Variants in WIPF2 observed in about 807,000 individuals in gnomAD.
The protein encoded by WIPF2 is WAS/WASL-interacting protein family member 2.
In WIPF2, 23 loss-of-function variants were observed where a neutral mutation model predicts 38.8. The observed-to-expected ratio is 0.59, with a 90% CI of 0.43 to 0.84. The LOEUF (loss-of-function observed/expected upper bound fraction) is 0.84, where lower values mean the gene tolerates loss of function less well. Among genes scored for constraint, WIPF2 ranks in the 40% least tolerant of loss-of-function variants. The pLI, the probability that WIPF2 is intolerant of heterozygous loss-of-function variation, is 0.00. For synonymous variants in WIPF2, 210 were observed against 223.2 expected (o/e 0.94, Z 0.53); for missense variants, 574 against 580.5 (o/e 0.99, Z 0.11).
At chr17:40,239,044 T>A (rs982014480) in intron 1 of WIPF2, among the ~76,000 whole-genome samples, 6 of 143,894 alleles carry the variant, frequency 4.2e-5, no homozygotes, top group Admixed American at 7.3e-5. Flanking sequence ...CTGTTTATTT[T>A]ATTTTATTTA....
At chr17:40,276,995 A>G (rs2032423611) in intron 6 of WIPF2, 88 bp from the exon 7 acceptor site, 2 of 1,145,924 alleles carry the variant, frequency 1.7e-6, no homozygotes, top group African/African-American at 1.5e-5. Flanking sequence ...TGCCTGAGAG[A>G]TTAGTAAGTG....
In WIPF2 at chr17:40,279,581, A is replaced by G. The variant is rs1474195045; in HGVS notation, c.*1356A>G. 6.6e-6 allele frequency: 1 copy of G among 152,628 alleles called. No individual in the cohort carries two copies. The highest frequency in any genetic ancestry group is 1.5e-5 in the Non-Finnish European group (1 of 68,054). 9.5% of individuals were successfully genotyped at this position (152,628 alleles called of 1,614,324 possible). ...GTCTTCCGGGTCCTAAAGAGCACAG[A>G]GAAAATGGAGGTCCCCAGTCTAGGT... is the stretch of plus-strand genomic sequence containing the variant. On this transcript the variant is annotated 3_prime_UTR_variant, in exon 8 of 8. Transcript: ENST00000323571.
chr17:40,243,605 C>G (rs1397471918), intron 1 of WIPF2, among the ~76,000 whole-genome samples: 2 of 151,908 alleles, frequency 1.3e-5, no homozygotes, highest in African/African-American at 4.8e-5. Flanking sequence ...CCTCTGCCTA[C>G]CGGGTTCAAG....
At chr17:40,258,847 C>G (rs2031809805) in intron 2 of WIPF2, among the ~76,000 whole-genome samples, 1 of 151,164 alleles carries the variant, frequency 6.6e-6, no homozygotes, top group African/African-American at 2.4e-5. Flanking sequence ...TGGTTGTGAT[C>G]ATAACTCACT....
Position 40,219,509 on chromosome 17 carries a change from G to T in WIPF2, c.-70+17G>T. On this transcript the variant is annotated intron_variant, in intron 1 of 7. Coordinates refer to ENST00000323571, the MANE Select transcript of WIPF2 (RefSeq NM_133264.5). Reference sequence around the variant, plus strand: ...TGCGGCCAGGTCGGAAAGAGGCCGGGGCGGCTGGGTCAGTCGCTGAAATGA... The same window carrying T: ...TGCGGCCAGGTCGGAAAGAGGCCGGTGCGGCTGGGTCAGTCGCTGAAATGA... The T allele has an allele frequency of 5.3e-6, 1 of 188,158 alleles. No individual in the cohort carries two copies. 11.7% of individuals were successfully genotyped at this position (188,158 alleles called of 1,614,324 possible). A position where few individuals can be genotyped will look rare whatever the true frequency, so the allele number is the denominator to read the frequency against.
intron 1 of WIPF2, among the ~76,000 whole-genome samples, chr17:40,254,467 C>A (rs763380589): frequency 1.3e-4 from 19 of 151,814 alleles, no homozygotes; most frequent in Non-Finnish European, 2.5e-4. Flanking sequence ...GGGAGGGGGT[C>A]AAAAAATGGG....
intron 1 of WIPF2, among the ~76,000 whole-genome samples, chr17:40,243,539 A>G (rs2031261235): frequency 6.6e-6 from 1 of 151,536 alleles, no homozygotes; most frequent in African/African-American, 2.4e-5. Flanking sequence ...TTTAAGACAG[A>G]GTCTTGCTCT....
intron 1 of WIPF2, among the ~76,000 whole-genome samples, chr17:40,237,344 G>A (rs1598472847): frequency 2.0e-5 from 3 of 150,956 alleles, no homozygotes; most frequent in Admixed American, 6.6e-5. Flanking sequence ...GGGTTCAAGG[G>A]ATTCCCCTGC....
In WIPF2 at chr17:40,278,411, C is replaced by T; in HGVS notation, c.*186C>T. 4.5e-6 allele frequency: 3 copies of T among 662,992 alleles called. No homozygotes were observed. The highest frequency in any genetic ancestry group is 7.7e-6 in the Non-Finnish European group (3 of 390,952). 41.1% of individuals were successfully genotyped at this position (662,992 alleles called of 1,614,324 possible). A position where few individuals can be genotyped will look rare whatever the true frequency, so the allele number is the denominator to read the frequency against. On this transcript the variant is annotated 3_prime_UTR_variant, in exon 8 of 8. Coordinates refer to ENST00000323571, the MANE Select transcript of WIPF2 (RefSeq NM_133264.5). ...GCATCTCATCTCTGGATTTGGTGAT[C>T]AGACTCTATATTGACAGTAGGATCT...
intron 4 of WIPF2, among the ~76,000 whole-genome samples, chr17:40,262,974 C>G (rs1215864581): frequency 6.6e-6 from 1 of 152,114 alleles, no homozygotes; most frequent in Non-Finnish European, 1.5e-5. Context: ...ACTGCATGAT[C>G]TCATTTATAT....
intron 2 of WIPF2, among the ~76,000 whole-genome samples, chr17:40,257,733 G>T (rs1258044649): frequency 7.5e-6 from 1 of 134,100 alleles, no homozygotes; most frequent in African/African-American, 3.2e-5. Context: ...ACAGAGCGAG[G>T]CTCCATCTCA....
At position 40,262,391 on chromosome 17, in the gene WIPF2, T is replaced by A. The variant is rs189114777; in HGVS notation, c.197-134T>A. 1,339 of 666,276 alleles carry A rather than the reference T, an allele frequency of 2.0e-3. 14 individuals carry two copies. The African/African-American group carries it at 0.023, about 11-fold the overall frequency. 41.3% of individuals were successfully genotyped at this position (666,276 alleles called of 1,614,324 possible). ...AGCCACTGTACCAGGCCTGCTTTTT[T>A]AAATAGAAGGGCAAAAACAAGACTG... On this transcript the variant is annotated intron_variant, in intron 3 of 7. Transcript: ENST00000323571.
intron 5 of WIPF2, among the ~76,000 whole-genome samples, chr17:40,266,271 C>T (rs973457348): frequency 1.8e-4 from 27 of 151,728 alleles, no homozygotes; most frequent in African/African-American, 6.5e-4. Context: ...GGGCTGAGCC[C>T]TCGCCCTCCT....
intron 1 of WIPF2, among the ~76,000 whole-genome samples, chr17:40,233,253 G>A (rs2030823625): frequency 6.6e-6 from 1 of 151,948 alleles, no homozygotes; most frequent in African/African-American, 2.4e-5. Context: ...TTGAAATTTT[G>A]GTCAGTTTGT....
chr17:40,240,378 A>T (rs935138296), intron 1 of WIPF2, among the ~76,000 whole-genome samples: 8 of 152,074 alleles, frequency 5.3e-5, no homozygotes, highest in Admixed American at 5.3e-4. Flanking sequence ...ACTTTCAACC[A>T]GTCCTCCTGT....
intron 5 of WIPF2, among the ~76,000 whole-genome samples, chr17:40,268,514 C>G (rs1175896406): frequency 6.6e-6 from 1 of 152,076 alleles, no homozygotes; most frequent in Non-Finnish European, 1.5e-5. Context: ...TGTCTGCAGG[C>G]TTTCTTGCTT....
intron 7 of WIPF2, 122 bp from the exon 8 acceptor site, chr17:40,278,063 C>T (rs547007118): frequency 9.5e-5 from 110 of 1,163,808 alleles, no homozygotes; most frequent in Middle Eastern, 1.9e-4. Flanking sequence ...AATAATAACA[C>T]GTAGTCCCCA....
At chr17:40,266,216 C>T (rs1029992743) in intron 5 of WIPF2, among the ~76,000 whole-genome samples, 14 of 134,074 alleles carry the variant, frequency 1.0e-4, no homozygotes, top group African/African-American at 4.0e-4. Context: ...CCAGCCTGGG[C>T]GACAGAGTGA....
rs2031869768 is a variant in WIPF2 at position 40,260,679 on chromosome 17, C to T, written c.196+12C>T. Reference sequence around the variant, plus strand: ...TCCCATCCTCGAGAGTGAGTCCGAGCTTCATTTCCTAGTGAACTGGCAGGA... The same window carrying T: ...TCCCATCCTCGAGAGTGAGTCCGAGTTTCATTTCCTAGTGAACTGGCAGGA... On this transcript the variant is annotated intron_variant, in intron 3 of 7. Transcript: ENST00000323571. 7 of 1,613,538 alleles carry T rather than the reference C, an allele frequency of 4.3e-6. No homozygotes were observed. The highest frequency in any genetic ancestry group is 5.9e-6 in the Non-Finnish European group (7 of 1,179,770).
Sources: gnomAD v4.1 joint callset for allele counts (sites outside exome capture counted in the v4.1 genomes callset) on GRCh38, gnomAD v4.1.1 for gene constraint, MANE v1.5 for transcripts, NCBI Gene and HGNC (gene_info 2026-07-23, HGNC 2026-07-21) for gene names.